The following SOX5 variants were observed in gnomAD, a reference collection of about 807,000 sequenced individuals.
SOX5 encodes the protein SRY-box transcription factor 5.
SOX5 carries 9 observed loss-of-function variants against 92.0 expected under a neutral mutation model. The observed-to-expected ratio is 0.10, with a 90% CI of 0.06 to 0.17. The LOEUF is 0.17. SOX5 is among the 10% of genes least tolerant of loss of function. SOX5 has a pLI of 1.00. For synonymous variants in SOX5, 344 were observed against 336.3 expected (o/e 1.02, Z -0.25); for missense variants, 642 against 944.5 (o/e 0.68, Z 4.20).
intron 3 of SOX5, among the ~76,000 whole-genome samples, chr12:23,755,944 T>G (rs1389496576): frequency 6.6e-6 from 1 of 151,872 alleles, no homozygotes; most frequent in Non-Finnish European, 1.5e-5. Context: ...AAAGCCATAC[T>G]GATTCTTTAT....
intron 1 of SOX5, among the ~76,000 whole-genome samples, chr12:24,438,038 C>T (rs1452844790): frequency 2.0e-5 from 3 of 152,192 alleles, no homozygotes; most frequent in African/African-American, 7.2e-5. Context: ...AACCCAAATG[C>T]CCATCAATGA....
At chr12:24,412,207 T>C (rs1964237987) in intron 1 of SOX5, among the ~76,000 whole-genome samples, 1 of 152,186 alleles carries the variant, frequency 6.6e-6, no homozygotes, top group Non-Finnish European at 1.5e-5. Context: ...TTAGTCTTAC[T>C]AGAAATTTGT....
chr12:23,804,883 T>C (rs538110052), intron 3 of SOX5, among the ~76,000 whole-genome samples: 1 of 137,144 alleles, frequency 7.3e-6, no homozygotes, highest in South Asian at 2.3e-4. Flanking sequence ...TTTCCTGATA[T>C]TTAACATTTT....
intron 2 of SOX5, among the ~76,000 whole-genome samples, chr12:24,335,778 A>T (rs958903500): frequency 1.1e-4 from 16 of 151,644 alleles, no homozygotes; most frequent in African/African-American, 3.9e-4. Context: ...TTAAATATCA[A>T]CCTCATTAAT....
At chr12:24,002,868 A>G (rs1448333809) in intron 4 of SOX5, among the ~76,000 whole-genome samples, 3 of 132,266 alleles carry the variant, frequency 2.3e-5, no homozygotes, top group Non-Finnish European at 3.3e-5. Context: ...TAAAAACATC[A>G]TAAGAAAAGA....
At chr12:23,539,406 T>G (rs1274163918) in intron 13 of SOX5, among the ~76,000 whole-genome samples, 1 of 151,894 alleles carries the variant, frequency 6.6e-6, no homozygotes, top group African/African-American at 2.4e-5. Context: ...TTATTTTCCT[T>G]ATAGTTGTAG....
intron 4 of SOX5, among the ~76,000 whole-genome samples, chr12:24,174,180 T>G (rs1297700410): frequency 6.6e-6 from 1 of 152,046 alleles, no homozygotes; most frequent in Non-Finnish European, 1.5e-5. Flanking sequence ...GTATTTTTAG[T>G]AGAGATGAGG....
intron 4 of SOX5, among the ~76,000 whole-genome samples, chr12:24,185,272 T>A (rs995084566): frequency 1.3e-5 from 2 of 152,086 alleles, no homozygotes; most frequent in African/African-American, 4.8e-5. Flanking sequence ...CACTTCCCAT[T>A]GCTCCTAGAA....
At chr12:23,997,366 C>T (rs1345758303) in intron 4 of SOX5, among the ~76,000 whole-genome samples, 2 of 152,132 alleles carry the variant, frequency 1.3e-5, no homozygotes, top group Non-Finnish European at 2.9e-5. Context: ...AAAACAATAG[C>T]GATCTTGGAT....
intron 3 of SOX5, among the ~76,000 whole-genome samples, chr12:24,222,485 G>A (rs1052594552): frequency 2.0e-5 from 3 of 152,124 alleles, no homozygotes; most frequent in Admixed American, 6.5e-5. Flanking sequence ...CAAATAGAAG[G>A]ATGGAATTAC....
chr12:24,118,015 A>G (rs1160231990), intron 4 of SOX5, among the ~76,000 whole-genome samples: 2 of 136,062 alleles, frequency 1.5e-5, no homozygotes, highest in African/African-American at 5.8e-5. Context: ...CGAGACTCTC[A>G]TTCAAAAAAA....
chr12:23,907,962 A>C (rs527627951), intron 1 of SOX5, among the ~76,000 whole-genome samples: 1 of 152,228 alleles, frequency 6.6e-6, no homozygotes, highest in South Asian at 2.1e-4. Context: ...ATCTTCCCTG[A>C]CTTCTTATCT....
intron 6 of SOX5, among the ~76,000 whole-genome samples, chr12:23,706,971 T>C (rs966969328): frequency 2.6e-5 from 4 of 152,094 alleles, no homozygotes; most frequent in African/African-American, 2.4e-5. Flanking sequence ...AGACTATATA[T>C]ACATTCTCAA....
At chr12:24,112,627 C>A (rs1270039495) in intron 4 of SOX5, among the ~76,000 whole-genome samples, 1 of 145,086 alleles carries the variant, frequency 6.9e-6, no homozygotes, top group African/African-American at 2.5e-5. Context: ...ACTTTCTGAG[C>A]TCAAACGATC....
intron 3 of SOX5, among the ~76,000 whole-genome samples, chr12:23,770,253 A>G (rs1247723907): frequency 2.0e-5 from 3 of 151,908 alleles, no homozygotes; most frequent in Non-Finnish European, 4.4e-5. Flanking sequence ...CTAATGATGT[A>G]TAGTCAAAGA....
intron 6 of SOX5, among the ~76,000 whole-genome samples, chr12:23,677,325 T>C (rs2085869392): frequency 6.6e-6 from 1 of 152,194 alleles, no homozygotes; most frequent in African/African-American, 2.4e-5. Flanking sequence ...TGCATTTACG[T>C]GTTCTTTAAG....
At chr12:24,272,806 T>C (rs1335615818) in intron 3 of SOX5, among the ~76,000 whole-genome samples, 2 of 152,178 alleles carry the variant, frequency 1.3e-5, no homozygotes, top group Non-Finnish European at 2.9e-5. Flanking sequence ...CCACTTATAA[T>C]CACAAGAGGA....
At chr12:23,925,445 T>G (rs1939685079) in intron 1 of SOX5, among the ~76,000 whole-genome samples, 1 of 152,066 alleles carries the variant, frequency 6.6e-6, no homozygotes, top group Non-Finnish European at 1.5e-5. Flanking sequence ...AAGAAAAACT[T>G]CACAGGCAAT....
At chr12:23,799,917 T>C (rs187853239) in intron 3 of SOX5, among the ~76,000 whole-genome samples, 39 of 152,176 alleles carry the variant, frequency 2.6e-4, no homozygotes, top group Admixed American at 2.4e-3. Flanking sequence ...GGTAATAACC[T>C]AGATTAATTT....
Sources: gnomAD v4.1 joint callset for allele counts (sites outside exome capture counted in the v4.1 genomes callset) on GRCh38, gnomAD v4.1.1 for gene constraint, MANE v1.5 for transcripts, NCBI Gene and HGNC (gene_info 2026-07-23, HGNC 2026-07-21) for gene names.